The following DLGAP2 variants were observed in gnomAD, a reference collection of about 807,000 sequenced individuals.
DLGAP2 encodes disks large-associated protein 2.
Under a neutral mutation model 100.3 loss-of-function variants are expected in DLGAP2, and 26 were observed. The ratio of observed to expected loss-of-function variants is 0.26; its 90% CI spans 0.19 to 0.36. The LOEUF is 0.36. Ranked by LOEUF, DLGAP2 falls within the 10% of genes least tolerant of loss-of-function variation. The pLI is 1.00. For synonymous variants in DLGAP2, 886 were observed against 630.1 expected, an observed-to-expected ratio of 1.41 and a Z score of -6.08; for missense variants, 1,858 against 1,453.2, an observed-to-expected ratio of 1.28 and a Z score of -4.53.
intron 2 of DLGAP2, among the ~76,000 whole-genome samples, chr8:1,025,593 T>C (rs1275085928): frequency 6.6e-6 from 1 of 152,200 alleles, no homozygotes; most frequent in East Asian, 1.9e-4. Context: ...ATTCTGCCGC[T>C]CGGTGAGGAT....
rs182495165 is a variant in DLGAP2, at chr8:885,562, C to T, written c.19-22350C>T. On this transcript the variant is annotated intron_variant, in intron 1 of 14. Transcript: ENST00000637795. ...TTTTATAAATATAAAATCATGTAAT[C>T]TGCAAACAGAGATAACTTGACTTCC... Among the ~76,000 whole-genome samples the T allele has an allele frequency of 3.3e-5, 5 of 152,314 alleles. No individual in the cohort carries two copies. In the East Asian group the frequency reaches 9.6e-4, roughly 29 times the overall value.
chr8:863,135 C>A (rs532174686), intron 1 of DLGAP2, among the ~76,000 whole-genome samples: 63 of 152,216 alleles, frequency 4.1e-4, no homozygotes, highest in African/African-American at 1.4e-3. Flanking sequence ...GCGTATTATT[C>A]CTGTTGCTCA....
intron 2 of DLGAP2, among the ~76,000 whole-genome samples, chr8:1,121,575 C>T (rs1466129509): frequency 3.3e-5 from 5 of 152,092 alleles, no homozygotes; most frequent in African/African-American, 9.7e-5. Context: ...CCCATTAGAA[C>T]CCATGACCTC....
intron 8 of DLGAP2, among the ~76,000 whole-genome samples, chr8:1,646,297 C>G (rs1400300106): frequency 6.6e-6 from 1 of 152,200 alleles, no homozygotes; most frequent in Non-Finnish European, 1.5e-5. Context: ...TGCCACTCTC[C>G]CTGCAGATCT....
intron 1 of DLGAP2, among the ~76,000 whole-genome samples, chr8:808,027 A>G (rs149564852): frequency 9.2e-5 from 14 of 152,328 alleles, no homozygotes; most frequent in African/African-American, 3.4e-4. Context: ...CAGAAGATCT[A>G]TGGTGAAGTC....
At chr8:1,244,245 C>G (rs560029535) in intron 2 of DLGAP2, among the ~76,000 whole-genome samples, 4 of 152,336 alleles carry the variant, frequency 2.6e-5, no homozygotes, top group South Asian at 2.1e-4. Context: ...ATTTTGCACC[C>G]TAGTGCCCGG....
rs371782181 is a variant in DLGAP2, at chr8:1,678,085, AAC to A, written c.2289-126_2289-125del. 19 of 1,037,694 alleles carry A rather than the reference AAC, an allele frequency of 1.8e-5. No homozygotes were observed. The African/African-American group carries it at 2.9e-4, about 16-fold the overall frequency. 64.3% of individuals were successfully genotyped at this position (1,037,694 alleles called of 1,614,324 possible). A position where few individuals can be genotyped will look rare whatever the true frequency, so the allele number is the denominator to read the frequency against. On this transcript the variant is annotated intron_variant, in intron 11 of 14. Coordinates refer to ENST00000637795, the MANE Select transcript of DLGAP2 (RefSeq NM_001346810.2). ...AAACACCAGCATATTTCACAAACAAAACACTACCTGCCCTTGAGCCGCCAGGC... is the reference window on the plus strand; with the variant it reads ...AAACACCAGCATATTTCACAAACAAAACTACCTGCCCTTGAGCCGCCAGGC...
At chr8:1,409,680 A>T (rs974660279) in intron 3 of DLGAP2, among the ~76,000 whole-genome samples, 4 of 152,158 alleles carry the variant, frequency 2.6e-5, no homozygotes, top group Non-Finnish European at 5.9e-5. Flanking sequence ...TCAGGGAATG[A>T]GTAAAGCAGA....
intron 1 of DLGAP2, among the ~76,000 whole-genome samples, chr8:834,068 G>A (rs891030451): frequency 3.3e-5 from 5 of 152,278 alleles, no homozygotes; most frequent in African/African-American, 9.6e-5. Context: ...ATTCATTAGG[G>A]GAAGCAGAAA....
At chr8:1,662,750 G>A (rs1301128493) in intron 8 of DLGAP2, among the ~76,000 whole-genome samples, 1 of 152,254 alleles carries the variant, frequency 6.6e-6, no homozygotes, top group Non-Finnish European at 1.5e-5. Context: ...GCTCCACAGA[G>A]TGCCTGGCAC....
chr8:1,135,609 C>T (rs1312885247), intron 2 of DLGAP2, among the ~76,000 whole-genome samples: 2 of 132,634 alleles, frequency 1.5e-5, no homozygotes, highest in Non-Finnish European at 3.1e-5. Flanking sequence ...CTAAGGGGAA[C>T]GACATTCTCA....
chr8:923,771 C>T (rs537683154), intron 2 of DLGAP2, among the ~76,000 whole-genome samples: 21 of 152,190 alleles, frequency 1.4e-4, no homozygotes, highest in African/African-American at 3.4e-4. Flanking sequence ...AGGAGGAAAG[C>T]GTAACTAATT....
intron 1 of DLGAP2, among the ~76,000 whole-genome samples, chr8:878,686 C>T (rs567625562): frequency 6.6e-6 from 1 of 152,220 alleles, no homozygotes; most frequent in South Asian, 2.1e-4. Context: ...TAAATGCCAT[C>T]TCTCAGGAGT....
At chr8:1,620,103 C>G (rs1278202243) in intron 6 of DLGAP2, among the ~76,000 whole-genome samples, 1 of 152,220 alleles carries the variant, frequency 6.6e-6, no homozygotes, top group African/African-American at 2.4e-5. Context: ...TCTGCTGTTC[C>G]TGACAAGTTG....
intron 9 of DLGAP2, among the ~76,000 whole-genome samples, chr8:1,669,340 G>A (rs56980863): frequency 0.032 from 4,813 of 152,258 alleles, 262 homozygotes; most frequent in African/African-American, 0.11. Context: ...GCTCTGGCCG[G>A]CTCCTGCCCA....
In DLGAP2 at chr8:1,687,146, G is replaced by A. The variant is rs143275739; in HGVS notation, c.2705-4389G>A. Among the ~76,000 whole-genome samples the A allele has an allele frequency of 3.4e-3, 515 of 152,118 alleles. 4 individuals are homozygous for A. Among genetic ancestry groups the A allele is most frequent in the African/African-American group, 0.011 (475 of 41,482 alleles). ...ACAAGGGAATCTCAGGGGATCACAGGGGTTACAAATACTCAAATGATCATT... is the reference window on the plus strand; with the variant it reads ...ACAAGGGAATCTCAGGGGATCACAGAGGTTACAAATACTCAAATGATCATT... On this transcript the variant is annotated intron_variant, in intron 12 of 14. Coordinates refer to ENST00000637795, the MANE Select transcript of DLGAP2 (RefSeq NM_001346810.2).
At chr8:1,210,333 A>T (rs548441322) in intron 2 of DLGAP2, among the ~76,000 whole-genome samples, 3 of 142,096 alleles carry the variant, frequency 2.1e-5, no homozygotes, top group African/African-American at 8.6e-5. Flanking sequence ...GCATGTGTCC[A>T]GGGCCAGATG....
chr8:1,013,592 A>ACG (rs1801360792), intron 2 of DLGAP2, among the ~76,000 whole-genome samples: 5 of 145,584 alleles, frequency 3.4e-5, no homozygotes, highest in African/African-American at 1.4e-4. Flanking sequence ...GCAAACGGAC[A>ACG]GACGGCGCCT....
intron 1 of DLGAP2, among the ~76,000 whole-genome samples, chr8:816,406 G>C (rs1004361464): frequency 2.6e-5 from 4 of 151,956 alleles, no homozygotes; most frequent in African/African-American, 9.7e-5. Context: ...AGTTCTTATA[G>C]TGCTGGCTTG....
Sources: gnomAD v4.1 joint callset for allele counts (sites outside exome capture counted in the v4.1 genomes callset) on GRCh38, gnomAD v4.1.1 for gene constraint, MANE v1.5 for transcripts, NCBI Gene and HGNC (gene_info 2026-07-23, HGNC 2026-07-21) for gene names.